The following FAM168A variants were observed in gnomAD, a reference collection of about 807,000 sequenced individuals.
FAM168A encodes family with sequence similarity 168 member A.
Under a neutral mutation model 28.5 loss-of-function variants are expected in FAM168A, and 3 were observed. That is an observed-to-expected ratio of 0.11 (90% CI 0.05 to 0.27). The LOEUF is 0.27. Among genes scored for constraint, FAM168A ranks in the 10% least tolerant of loss-of-function variants. The pLI is 1.00. For missense variants in FAM168A, 222 were observed against 311.5 expected (o/e 0.71, Z 2.16); for synonymous variants, 122 against 124.2 (o/e 0.98, Z 0.12).
intron 1 of FAM168A, among the ~76,000 whole-genome samples, chr11:73,485,149 A>G (rs1426071166): frequency 3.3e-5 from 5 of 152,218 alleles, no homozygotes; most frequent in Admixed American, 3.3e-4. Flanking sequence ...TTTAACAACC[A>G]TCATGTTGTT....
In FAM168A at chr11:73,484,803, A is replaced by G. The variant is rs187466306; in HGVS notation, c.-18-16311T>C. Among the ~76,000 whole-genome samples the G allele has an allele frequency of 3.8e-4, 58 of 151,458 alleles. 1 individual carries two copies. The highest frequency in any genetic ancestry group is 1.4e-3 in the African/African-American group (57 of 41,334). ...ACCTACAGGATCCTAAGATCCTACA[A>G]TAGGCCATCTGCAAGCTGAGGAGCA... is the stretch of plus-strand genomic sequence containing the variant. On this transcript the variant is annotated intron_variant, in intron 1 of 7. Coordinates refer to ENST00000356467, the MANE Select transcript of FAM168A (RefSeq NM_015159.3).
intron 1 of FAM168A, among the ~76,000 whole-genome samples, chr11:73,495,075 A>G (rs1278723351): frequency 6.6e-6 from 1 of 151,964 alleles, no homozygotes; most frequent in Admixed American, 6.6e-5. Flanking sequence ...AGGACTCAGT[A>G]AAGACTCCCC....
At chr11:73,529,796 C>CTTTTTTTTTTTTTTTTTTTTTTTTTTT (rs772530179) in intron 1 of FAM168A, among the ~76,000 whole-genome samples, 3 of 127,510 alleles carry the variant, frequency 2.4e-5, no homozygotes, top group African/African-American at 1.0e-4. Context: ...ACTTTTTCTT[C>CTTTTTTTTTTTTTTTTTTTTTTTTTTT]TTTTTTTTTT....
chr11:73,523,111 C>T (rs1322189544), intron 1 of FAM168A, among the ~76,000 whole-genome samples: 1 of 152,126 alleles, frequency 6.6e-6, no homozygotes, highest in Non-Finnish European at 1.5e-5. Flanking sequence ...CCAGCAAACA[C>T]TCCAAAGAAG....
Position 73,430,501 on chromosome 11 carries a change from T to A in FAM168A, c.151+189A>T, listed in dbSNP as rs766051828. 35 of 566,904 alleles carry A rather than the reference T, an allele frequency of 6.2e-5. 1 individual carries two copies. Among genetic ancestry groups the A allele is most frequent in the Non-Finnish European group, 9.3e-5 (29 of 311,810 alleles). The allele number at this position is 566,904 out of a possible 1,614,324, so 35.1% of individuals were successfully genotyped here. A position where few individuals can be genotyped will look rare whatever the true frequency, so the allele number is the denominator to read the frequency against. ...TAAGTCCCAGACAGAGTGGAGGAGA[T>A]TCTATTCCCGCCCCTACCCTGAGGC... On this transcript the variant is annotated intron_variant, in intron 3 of 7. Transcript: ENST00000356467.
At chr11:73,517,628 A>C (rs1943322454) in intron 1 of FAM168A, among the ~76,000 whole-genome samples, 2 of 152,166 alleles carry the variant, frequency 1.3e-5, no homozygotes, top group South Asian at 4.1e-4. Context: ...AGAAATAAAT[A>C]CTTCTGTCTC....
At chr11:73,579,388 T>A (rs953194936) in intron 1 of FAM168A, among the ~76,000 whole-genome samples, 1 of 152,208 alleles carries the variant, frequency 6.6e-6, no homozygotes, top group Non-Finnish European at 1.5e-5. Context: ...CTATATAATA[T>A]AAATGCCATT....
intron 1 of FAM168A, among the ~76,000 whole-genome samples, chr11:73,565,425 G>C (rs949606420): frequency 6.6e-6 from 1 of 152,124 alleles, no homozygotes; most frequent in Non-Finnish European, 1.5e-5. Flanking sequence ...ATTGAGACAG[G>C]AGGTAAATAA....
At chr11:73,532,336 C>T (rs537767007) in intron 1 of FAM168A, among the ~76,000 whole-genome samples, 4 of 152,030 alleles carry the variant, frequency 2.6e-5, no homozygotes, top group Non-Finnish European at 4.4e-5. Flanking sequence ...ATTCCTAGTA[C>T]ACCGCAGGAG....
At chr11:73,423,691 C>A (rs1443920566) in intron 3 of FAM168A, among the ~76,000 whole-genome samples, 1 of 152,122 alleles carries the variant, frequency 6.6e-6, no homozygotes, top group Non-Finnish European at 1.5e-5. Context: ...ACCCCTTAAC[C>A]ACAGCTCTCT....
chr11:73,558,113 A>T (rs1378287380), intron 1 of FAM168A, among the ~76,000 whole-genome samples: 1 of 152,176 alleles, frequency 6.6e-6, no homozygotes, highest in Non-Finnish European at 1.5e-5. Flanking sequence ...ATGACAACAA[A>T]GTAAGCAATC....
At chr11:73,589,632 A>C (rs1944359322) in intron 1 of FAM168A, among the ~76,000 whole-genome samples, 1 of 152,258 alleles carries the variant, frequency 6.6e-6, no homozygotes. Context: ...ATTATATAAA[A>C]ACATTCCTCC....
intron 3 of FAM168A, chr11:73,430,048 T>C (rs1243639928): frequency 2.6e-5 from 4 of 152,682 alleles, no homozygotes; most frequent in African/African-American, 4.8e-5. Context: ...TCTTGAGTAT[T>C]AGAGCACCAG....
At chr11:73,489,257 C>T (rs1868096242) in intron 1 of FAM168A, among the ~76,000 whole-genome samples, 1 of 152,056 alleles carries the variant, frequency 6.6e-6, no homozygotes, top group South Asian at 2.1e-4. Context: ...TCTTTTAACC[C>T]TCCTGTATTG....
chr11:73,434,169 C>T (rs1194572076), intron 2 of FAM168A, among the ~76,000 whole-genome samples: 2 of 150,372 alleles, frequency 1.3e-5, no homozygotes, highest in Non-Finnish European at 1.5e-5. Flanking sequence ...TAAAGTTTAT[C>T]CATCCAACAA....
chr11:73,451,634 T>C (rs1867432152), intron 2 of FAM168A, among the ~76,000 whole-genome samples: 1 of 152,274 alleles, frequency 6.6e-6, no homozygotes, highest in Non-Finnish European at 1.5e-5. Context: ...TATGTTTAGA[T>C]ACACAAACAA....
At chr11:73,486,344 C>T (rs1868053271) in intron 1 of FAM168A, among the ~76,000 whole-genome samples, 1 of 152,122 alleles carries the variant, frequency 6.6e-6, no homozygotes, top group East Asian at 1.9e-4. Flanking sequence ...CTCTTCATAC[C>T]CATTAAACAC....
intron 1 of FAM168A, among the ~76,000 whole-genome samples, chr11:73,570,801 G>A (rs1944077374): frequency 6.6e-6 from 1 of 150,528 alleles, no homozygotes; most frequent in Non-Finnish European, 1.5e-5. Context: ...ACCTTACAAA[G>A]AATTATGCAA....
chr11:73,533,055 A>G (rs1943533456), intron 1 of FAM168A, among the ~76,000 whole-genome samples: 1 of 152,218 alleles, frequency 6.6e-6, no homozygotes, highest in Non-Finnish European at 1.5e-5. Flanking sequence ...GAACAGAGAA[A>G]CGACAGAGCA....
Sources: allele counts gnomAD v4.1 joint callset (sites outside exome capture counted in the v4.1 genomes callset), GRCh38; gene constraint gnomAD v4.1.1; transcripts MANE v1.5; gene names NCBI Gene and HGNC (gene_info 2026-07-23, HGNC 2026-07-21).